Variants in NPC1 observed in about 807,000 individuals in gnomAD.
NPC1 encodes Niemann-Pick C1 protein.
Under a neutral mutation model 140.4 loss-of-function variants are expected in NPC1, and 85 were observed. The observed-to-expected ratio is 0.61, with a 90% CI of 0.51 to 0.72. NPC1 has a LOEUF of 0.72. NPC1 is among the 30% of genes least tolerant of loss of function. The pLI is 0.00. For synonymous variants in NPC1, 656 were observed against 624.8 expected (o/e 1.05, Z -0.74); for missense variants, 1,504 against 1,623.8 (o/e 0.93, Z 1.27).
chr18:23,507,906 G>T, intron 3 of NPC1: 1 of 1,287,302 alleles, frequency 7.8e-7, no homozygotes, highest in African/African-American at 1.5e-5. Flanking sequence ...TATTTTTCTT[G>T]TCTTGTAGTA....
At chr18:23,555,023 C>A in intron 8 of NPC1, 39 bp from the exon 9 acceptor site, 2 of 1,269,820 alleles carry the variant, frequency 1.6e-6, no homozygotes, top group Non-Finnish European at 2.3e-6. Context: ...CCCAGAAACA[C>A]GTCACATTTC....
At chr18:23,552,647 T>A (rs760437806) in intron 9 of NPC1, among the ~76,000 whole-genome samples, 2 of 152,178 alleles carry the variant, frequency 1.3e-5, no homozygotes, top group African/African-American at 4.8e-5. Context: ...AGACAGACAG[T>A]TGGCCAGTGG....
intron 21 of NPC1, 132 bp downstream of exon 21, chr18:23,536,541 C>A: frequency 2.7e-6 from 2 of 734,568 alleles, no homozygotes; most frequent in Non-Finnish European, 4.8e-6. Context: ...TGATATACTG[C>A]CCTGTGCTCA....
chr18:23,531,151 C>T (rs750999635), downstream of NPC1, among the ~76,000 whole-genome samples: 34 of 152,094 alleles, frequency 2.2e-4, no homozygotes, highest in Admixed American at 1.0e-3. Context: ...CCACCACACC[C>T]GGCTGATTTT....
At position 23,544,947 on chromosome 18, in the gene NPC1, C is replaced by CCCT. The variant is rs1555634658; in HGVS notation, c.1947+12_1947+13insAGG. On this transcript the variant is annotated intron_variant, in intron 12 of 24. Transcript: ENST00000269228. ...TTAACCTCTAGAACATACACCACCC[C>CCCT]CCCCCGGCTTACCAGAAGCCTGCGA... is the stretch of plus-strand genomic sequence containing the variant. 8.1e-6 allele frequency: 11 copies of CCCT among 1,359,484 alleles called. 1 individual carries two copies. Among genetic ancestry groups the CCCT allele is most frequent in the African/African-American group, 7.1e-5 (5 of 70,500 alleles). 84.2% of individuals were successfully genotyped at this position (1,359,484 alleles called of 1,614,324 possible).
At chr18:23,567,290 T>G (rs111349010) in intron 4 of NPC1, among the ~76,000 whole-genome samples, 15 of 152,218 alleles carry the variant, frequency 9.9e-5, no homozygotes, top group African/African-American at 3.1e-4. Flanking sequence ...GAGAGCTCAT[T>G]GCCAGCATTT....
intron 1 of NPC1, among the ~76,000 whole-genome samples, chr18:23,575,936 A>ACAAC (rs2059271057): frequency 6.6e-6 from 1 of 151,632 alleles, no homozygotes; most frequent in South Asian, 2.1e-4. Flanking sequence ...AACAACAACA[A>ACAAC]CAACAGGCCG....
At chr18:23,540,089 C>G in intron 17 of NPC1, 88 bp from the exon 18 acceptor site, 1 of 1,177,138 alleles carries the variant, frequency 8.5e-7, no homozygotes, top group Non-Finnish European at 1.2e-6. Context: ...AAGAGGGTGC[C>G]AGGAGGTTCC....
chr18:23,571,335 T>C (rs1051445822), intron 3 of NPC1, among the ~76,000 whole-genome samples: 2 of 151,044 alleles, frequency 1.3e-5, no homozygotes, highest in Non-Finnish European at 2.9e-5. Flanking sequence ...CTGGCCAACA[T>C]AGTGAGACCC....
intron 10 of NPC1, among the ~76,000 whole-genome samples, chr18:23,549,369 G>A (rs776785029): frequency 2.8e-4 from 42 of 152,104 alleles, no homozygotes; most frequent in Non-Finnish European, 5.3e-4. Flanking sequence ...TGGGCGTGGT[G>A]GCTCATGCCT....
At chr18:23,527,340 A>G (rs1339947480), downstream of NPC1, among the ~76,000 whole-genome samples, 1 of 151,816 alleles carries the variant, frequency 6.6e-6, no homozygotes, top group Non-Finnish European at 1.5e-5. Flanking sequence ...ACGAGGCTGC[A>G]GCGAGCCGTT....
intron 6 of NPC1, among the ~76,000 whole-genome samples, chr18:23,558,882 C>A (rs900620626): frequency 2.0e-5 from 3 of 152,282 alleles, no homozygotes; most frequent in East Asian, 3.9e-4. Context: ...AGGCCCCCAC[C>A]CCACAACAGT....
chr18:23,518,327 CAAAA>C (rs1177162682), downstream of NPC1, among the ~76,000 whole-genome samples: 3 of 151,926 alleles, frequency 2.0e-5, no homozygotes, highest in African/African-American at 7.3e-5. Context: ...CCTGTTTCTA[CAAAA>C]AAATTTAAAA....
At chr18:23,547,566 C>A (rs2058806711) in intron 11 of NPC1, among the ~76,000 whole-genome samples, 1 of 151,932 alleles carries the variant, frequency 6.6e-6, no homozygotes, top group Admixed American at 6.6e-5. Context: ...CATGGCAAAA[C>A]CCTGTTTCTA....
At chr18:23,507,588 C>T (rs2057747698) in intron 3 of NPC1, among the ~76,000 whole-genome samples, 1 of 152,112 alleles carries the variant, frequency 6.6e-6, no homozygotes, top group Non-Finnish European at 1.5e-5. Flanking sequence ...TCACCATTGC[C>T]GTTTGTAGAG....
chr18:23,562,891 A>G (rs1038641187), intron 4 of NPC1, among the ~76,000 whole-genome samples: 1 of 152,202 alleles, frequency 6.6e-6, no homozygotes, highest in Non-Finnish European at 1.5e-5. Flanking sequence ...ATATAATTAC[A>G]TGTAATTTAC....
chr18:23,509,257 A>G, intron 3 of NPC1: 4 of 1,447,246 alleles, frequency 2.8e-6, no homozygotes, highest in Non-Finnish European at 3.7e-6. Flanking sequence ...TTCATAACAG[A>G]TCAAGGAATC....
At chr18:23,530,111 C>T, downstream of NPC1, 1 of 1,614,192 alleles carries the variant, frequency 6.2e-7, no homozygotes, top group Non-Finnish European at 8.5e-7. Context: ...AGTACCACGT[C>T]CTCAGCGACT....
intron 16 of NPC1, 23 bp downstream of exon 16, chr18:23,541,044 GA>G: frequency 6.2e-7 from 1 of 1,613,692 alleles, no homozygotes; most frequent in Non-Finnish European, 8.5e-7. Flanking sequence ...AGAGGAAAGA[GA>G]AAAACCACAG....
Sources: gnomAD v4.1 joint callset for allele counts (sites outside exome capture counted in the v4.1 genomes callset) on GRCh38, gnomAD v4.1.1 for gene constraint, MANE v1.5 for transcripts, NCBI Gene and HGNC (gene_info 2026-07-23, HGNC 2026-07-21) for gene names.